The following NIPAL2 variants were observed in gnomAD, a reference collection of about 807,000 sequenced individuals.
The protein encoded by NIPAL2 is NIPA like domain containing 2, also known as NIPA-like protein 2.
Under a neutral mutation model 48.9 loss-of-function variants are expected in NIPAL2, and 43 were observed. That is an observed-to-expected ratio of 0.88 (90% CI 0.69 to 1.13). The LOEUF (loss-of-function observed/expected upper bound fraction) is 1.13. Among genes scored for constraint, NIPAL2 ranks in the 50% most tolerant of loss-of-function variants. The pLI is 0.00. For missense variants in NIPAL2, 446 were observed against 461.4 expected (o/e 0.97, Z 0.31); for synonymous variants, 167 against 174.6 (o/e 0.96, Z 0.34).
chr8:98,262,934 G>A (rs956639067), intron 1 of NIPAL2, among the ~76,000 whole-genome samples: 1 of 150,540 alleles, frequency 6.6e-6, no homozygotes, highest in East Asian at 1.9e-4. Flanking sequence ...CTATCTCTCA[G>A]ACCACAGTGC....
intron 10 of NIPAL2, among the ~76,000 whole-genome samples, chr8:98,193,593 C>T (rs532086077): frequency 1.3e-4 from 20 of 152,114 alleles, no homozygotes; most frequent in East Asian, 7.7e-4. Context: ...CCGAGGCAGG[C>T]GAATCATTTG....
At position 98,200,732 on chromosome 8, in the gene NIPAL2, C is replaced by A. The variant is rs147128252; in HGVS notation, c.880+2376G>T. On this transcript the variant is annotated intron_variant, in intron 8 of 10. Transcript: ENST00000430223. ...TCCATAATGGCTGCACCATTTACAT[C>A]CCCACCAATGGTGTACAAAAGTTCC... 3.9e-3 allele frequency among the ~76,000 whole-genome samples: 592 copies of A among 152,260 alleles called. 1 individual carries two copies. The highest frequency in any genetic ancestry group is 0.013 in the African/African-American group (552 of 41,546).
At chr8:98,260,817 C>A (rs4314623) in intron 1 of NIPAL2, among the ~76,000 whole-genome samples, 67,147 of 151,754 alleles carry the variant, frequency 0.44, 16,067 homozygotes, top group Non-Finnish European at 0.56. Context: ...GGCTCCACCT[C>A]TGGGGGCAGG....
intron 7 of NIPAL2, among the ~76,000 whole-genome samples, chr8:98,204,630 T>C (rs1368998791): frequency 6.6e-6 from 1 of 152,078 alleles, no homozygotes; most frequent in Non-Finnish European, 1.5e-5. Context: ...AAGGAAATTC[T>C]GGCCAAAGAT....
chr8:98,245,302 T>C (rs1813254402), intron 3 of NIPAL2, among the ~76,000 whole-genome samples: 1 of 152,254 alleles, frequency 6.6e-6, no homozygotes, highest in South Asian at 2.1e-4. Flanking sequence ...CCCCGTTAGT[T>C]GTAGAACTTT....
chr8:98,251,851 T>C (rs1048401156), intron 3 of NIPAL2: 9 of 152,234 alleles, frequency 5.9e-5, no homozygotes, highest in Non-Finnish European at 1.2e-4. Context: ...AAAAAGATTT[T>C]ATTGATTTTA....
chr8:98,202,721 A>G (rs1810861462), intron 8 of NIPAL2, among the ~76,000 whole-genome samples: 1 of 152,188 alleles, frequency 6.6e-6, no homozygotes, highest in African/African-American at 2.4e-5. Flanking sequence ...TTAAAAATAA[A>G]TTACTCCGTC....
intron 3 of NIPAL2, among the ~76,000 whole-genome samples, chr8:98,242,094 G>A (rs987398659): frequency 2.6e-5 from 4 of 152,182 alleles, no homozygotes; most frequent in Admixed American, 6.5e-5. Flanking sequence ...CTTTAGACAG[G>A]AGGAATAAGT....
chr8:98,222,416 C>G, intron 5 of NIPAL2, 63 bp downstream of exon 5: 1 of 1,516,922 alleles, frequency 6.6e-7, no homozygotes, highest in African/African-American at 1.4e-5. Context: ...TCTCTAATAT[C>G]TGCATGGACC....
chr8:98,234,252 TA>T (rs775837792), intron 4 of NIPAL2, among the ~76,000 whole-genome samples: 5 of 151,534 alleles, frequency 3.3e-5, no homozygotes, highest in South Asian at 2.1e-4. Context: ...CTTTTCTACT[TA>T]AAAAAAAACC....
chr8:98,220,093 A>T (rs1240668056), intron 5 of NIPAL2, among the ~76,000 whole-genome samples: 1 of 152,134 alleles, frequency 6.6e-6, no homozygotes, highest in African/African-American at 2.4e-5. Context: ...GGCAAGAGAA[A>T]GGAGTAGAAA....
At chr8:98,259,477 T>G (rs747266509) in intron 1 of NIPAL2, among the ~76,000 whole-genome samples, 18 of 152,198 alleles carry the variant, frequency 1.2e-4, no homozygotes, top group Non-Finnish European at 2.4e-4. Flanking sequence ...TCAGACAAGT[T>G]ATTTGAAAGT....
intron 4 of NIPAL2, among the ~76,000 whole-genome samples, chr8:98,225,684 G>C (rs562110186): frequency 2.6e-5 from 4 of 152,134 alleles, no homozygotes; most frequent in Admixed American, 2.6e-4. Context: ...AGCTTCTTTG[G>C]GTTAAATCTG....
chr8:98,291,421 C>T (rs1485527252), intron 1 of NIPAL2, among the ~76,000 whole-genome samples: 1 of 152,200 alleles, frequency 6.6e-6, no homozygotes, highest in African/African-American at 2.4e-5. Context: ...CAAATACCAC[C>T]TCTCCACAAA....
chr8:98,260,497 G>C (rs905645251), intron 1 of NIPAL2, among the ~76,000 whole-genome samples: 2 of 152,106 alleles, frequency 1.3e-5, no homozygotes, highest in African/African-American at 2.4e-5. Flanking sequence ...TTCCCTTTCC[G>C]AGTCAAAGAA....
rs1239623363 is a variant in NIPAL2, at chr8:98,195,845, A to G, written c.944+97T>C. On this transcript the variant is annotated intron_variant, in intron 9 of 10. Coordinates refer to ENST00000430223, the MANE Select transcript of NIPAL2 (RefSeq NM_001321635.2). ...AGCTCAGGAAACTGATGTTTCTTAT[A>G]TTATTTTCCAATTTTCTATACCTCC... 4 of 782,966 alleles carry G rather than the reference A, an allele frequency of 5.1e-6. No homozygotes were observed. The African/African-American group carries it at 7.3e-5, about 14-fold the overall frequency. The allele number at this position is 782,966 out of a possible 1,614,324, so 48.5% of individuals were successfully genotyped here. A position where few individuals can be genotyped will look rare whatever the true frequency, so the allele number is the denominator to read the frequency against.
chr8:98,236,311 G>A lies in NIPAL2; in HGVS notation c.377-97C>T, dbSNP rs942070194. The stretch of plus-strand genomic sequence containing the variant: ...GTTAAGCAATTTGTGCCTTATGCCT[G>A]ATGAGCTATGTCCTGATCAGAGACA... On this transcript the variant is annotated intron_variant, in intron 3 of 10. Coordinates refer to ENST00000430223, the MANE Select transcript of NIPAL2 (RefSeq NM_001321635.2). 1.2e-5 allele frequency: 9 copies of A among 765,738 alleles called. No individual in the cohort carries two copies. The African/African-American group carries it at 1.4e-4, about 12-fold the overall frequency. The allele number at this position is 765,738 out of a possible 1,614,324, so 47.4% of individuals were successfully genotyped here. A position where few individuals can be genotyped will look rare whatever the true frequency, so the allele number is the denominator to read the frequency against.
rs746614327 is a variant in NIPAL2, at chr8:98,252,627, G to A, written c.212C>T (p.Ser71Phe). The part of the protein sequence containing the change: ...ISISLNIQKY[S>F]HLQLAQQEHP... ...CTCTTGTTGTGCCAGCTGAAGGTGA[G>A]AATATTTCTGAAAGTAAATCAGAAG... The change falls in exon 3 of 11, where the codon TCT becomes TTT. Residue 71 changes from serine (S) to phenylalanine (F), a missense_variant. Coordinates refer to ENST00000430223, the MANE Select transcript of NIPAL2 (RefSeq NM_001321635.2). 1.9e-6 allele frequency: 3 copies of A among 1,609,720 alleles called. No individual in the cohort carries two copies. The highest frequency in any genetic ancestry group is 1.7e-5 in the Admixed American group (1 of 58,738).
chr8:98,273,953 C>T (rs1242690445), intron 1 of NIPAL2, among the ~76,000 whole-genome samples: 1 of 151,942 alleles, frequency 6.6e-6, no homozygotes, highest in African/African-American at 2.4e-5. Flanking sequence ...CCATATTATT[C>T]AAAAGTATGT....
Sources: allele counts gnomAD v4.1 joint callset (sites outside exome capture counted in the v4.1 genomes callset), GRCh38; gene constraint gnomAD v4.1.1; transcripts MANE v1.5; gene names NCBI Gene and HGNC (gene_info 2026-07-23, HGNC 2026-07-21).